Variants in GUCY1A2 observed in about 807,000 individuals in gnomAD.
The protein encoded by GUCY1A2 is guanylate cyclase soluble subunit alpha-2.
In GUCY1A2, 27 loss-of-function variants were observed where a neutral mutation model predicts 63.5. The observed-to-expected ratio is 0.43, with a 90% CI of 0.31 to 0.59. GUCY1A2 has a LOEUF of 0.59. GUCY1A2 is among the 20% of genes least tolerant of loss of function. The pLI is 0.11. For missense variants in GUCY1A2, 768 were observed against 913.3 expected (o/e 0.84, Z 2.05); for synonymous variants, 364 against 343.5 (o/e 1.06, Z -0.66).
chr11:106,774,156 T>C (rs181452354), intron 6 of GUCY1A2, among the ~76,000 whole-genome samples: 168 of 152,084 alleles, frequency 1.1e-3, no homozygotes, highest in African/African-American at 3.8e-3. Flanking sequence ...TTTTTTGAGA[T>C]GGAGTCTCGC....
chr11:106,990,297 C>T (rs1861453977), intron 1 of GUCY1A2, among the ~76,000 whole-genome samples: 1 of 152,214 alleles, frequency 6.6e-6, no homozygotes, highest in South Asian at 2.1e-4. Context: ...ATCTTCATCT[C>T]TAGTCTCACT....
At chr11:106,994,142 G>C (rs773198552) in intron 1 of GUCY1A2, among the ~76,000 whole-genome samples, 73 of 151,914 alleles carry the variant, frequency 4.8e-4, no homozygotes, top group Non-Finnish European at 7.1e-4. Flanking sequence ...ACCCATCTGG[G>C]GATTCAAACT....
At chr11:106,869,595 A>G (rs1859644896) in intron 4 of GUCY1A2, among the ~76,000 whole-genome samples, 1 of 152,216 alleles carries the variant, frequency 6.6e-6, no homozygotes, top group South Asian at 2.1e-4. Flanking sequence ...AATCATTAAA[A>G]AGTCAGGAGC....
In GUCY1A2 at chr11:106,969,801, A is replaced by G. The variant is rs531033732; in HGVS notation, c.487+8818T>C. Among the ~76,000 whole-genome samples, 6 of 152,280 alleles carry G rather than the reference A, an allele frequency of 3.9e-5. No individual in the cohort carries two copies. The East Asian group carries it at 1.2e-3, about 29-fold the overall frequency. On this transcript the variant is annotated intron_variant, in intron 3 of 7. Transcript: ENST00000526355. ...TTGAGGGGTCAATAAGTAATGTAGC[A>G]GGCTCTACCATCACAGCCTCATAGT...
At chr11:106,831,291 C>T (rs957775873) in intron 4 of GUCY1A2, among the ~76,000 whole-genome samples, 1 of 152,094 alleles carries the variant, frequency 6.6e-6, no homozygotes, top group Admixed American at 6.6e-5. Flanking sequence ...TAGACATTCC[C>T]GTGAACATGA....
At chr11:106,777,274 C>T (rs746032264) in intron 5 of GUCY1A2, among the ~76,000 whole-genome samples, 1 of 151,886 alleles carries the variant, frequency 6.6e-6, no homozygotes, top group Non-Finnish European at 1.5e-5. Context: ...TGGTAAAACC[C>T]CATCTCTACT....
At position 106,675,058 on chromosome 11, in the gene GUCY1A2, T is replaced by TA. The variant is rs1862322579; in HGVS notation, c.*12490_*12491insT. The TA allele has an allele frequency of 9.4e-6, 2 of 212,836 alleles. No individual in the cohort carries two copies. The highest frequency in any genetic ancestry group is 1.4e-4 in the East Asian group (2 of 14,276). The allele number at this position is 212,836 out of a possible 1,614,324, so 13.2% of individuals were successfully genotyped here. On this transcript the variant is annotated 3_prime_UTR_variant, in exon 8 of 8. Transcript: ENST00000526355. The stretch of plus-strand genomic sequence containing the variant: ...AGTACTGTTTGGGAAATGAGACCCT[T>TA]TGGTTTTGTAAAATGGCTACTCATG...
intron 4 of GUCY1A2, among the ~76,000 whole-genome samples, chr11:106,892,630 C>T (rs1024642096): frequency 6.6e-6 from 1 of 150,540 alleles, no homozygotes; most frequent in Non-Finnish European, 1.5e-5. Context: ...CCTCCTTCAA[C>T]AAAGAATGTT....
At chr11:106,850,474 T>C (rs1859337500) in intron 4 of GUCY1A2, among the ~76,000 whole-genome samples, 1 of 151,730 alleles carries the variant, frequency 6.6e-6, no homozygotes, top group Admixed American at 6.6e-5. Flanking sequence ...AATTTTTGTA[T>C]CTGTTAACTA....
intron 1 of GUCY1A2, among the ~76,000 whole-genome samples, chr11:107,011,643 A>C (rs1040439240): frequency 6.8e-6 from 1 of 147,538 alleles, no homozygotes; most frequent in African/African-American, 2.5e-5. Context: ...TAATACTATA[A>C]TATATAGTCA....
At chr11:106,949,960 T>C (rs1488178338) in intron 3 of GUCY1A2, among the ~76,000 whole-genome samples, 1 of 152,228 alleles carries the variant, frequency 6.6e-6, no homozygotes, top group African/African-American at 2.4e-5. Flanking sequence ...CCAGGCATAA[T>C]ATATGTAGTG....
At chr11:106,691,757 C>T (rs1415380087) in intron 7 of GUCY1A2, among the ~76,000 whole-genome samples, 4 of 152,132 alleles carry the variant, frequency 2.6e-5, no homozygotes, top group African/African-American at 9.7e-5. Flanking sequence ...TTGCTTTTCC[C>T]AGTAAACATT....
intron 4 of GUCY1A2, among the ~76,000 whole-genome samples, chr11:106,822,280 G>C (rs936423744): frequency 3.3e-5 from 5 of 152,038 alleles, no homozygotes; most frequent in Admixed American, 2.6e-4. Context: ...TCTTTGCTTT[G>C]CTAAATATTA....
intron 3 of GUCY1A2, among the ~76,000 whole-genome samples, chr11:106,974,993 T>C (rs987894242): frequency 2.0e-5 from 3 of 152,140 alleles, no homozygotes; most frequent in African/African-American, 7.2e-5. Flanking sequence ...TAAACTACTG[T>C]GGGAAGTCTT....
In GUCY1A2 at chr11:106,892,579, C is replaced by T. The variant is rs549481992; in HGVS notation, c.1206+46881G>A. On this transcript the variant is annotated intron_variant, in intron 4 of 7. Transcript: ENST00000526355. ...CTTATATCAAGTTAGCTAGCCCTAG[C>T]GTCGCACCCACAGGAGTTTCCAAGT... 3.5e-4 allele frequency among the ~76,000 whole-genome samples: 53 copies of T among 152,240 alleles called. 1 individual carries two copies. The highest frequency in any genetic ancestry group is 6.6e-4 in the Non-Finnish European group (45 of 67,982).
intron 4 of GUCY1A2, among the ~76,000 whole-genome samples, chr11:106,841,573 C>G (rs1196543874): frequency 6.6e-6 from 1 of 151,876 alleles, no homozygotes; most frequent in African/African-American, 2.4e-5. Flanking sequence ...TGCCCTTCAA[C>G]CAAGATCATA....
At chr11:107,005,703 A>G (rs1861662332) in intron 1 of GUCY1A2, among the ~76,000 whole-genome samples, 1 of 152,210 alleles carries the variant, frequency 6.6e-6, no homozygotes, top group Non-Finnish European at 1.5e-5. Flanking sequence ...GAATTAATGA[A>G]TGAATGTGAG....
intron 4 of GUCY1A2, among the ~76,000 whole-genome samples, chr11:106,921,024 T>A (rs1268150832): frequency 6.6e-6 from 1 of 152,042 alleles, no homozygotes; most frequent in South Asian, 2.1e-4. Flanking sequence ...AACTCAATAT[T>A]TGCAACATGA....
At chr11:106,855,981 AG>A (rs1300185782) in intron 4 of GUCY1A2, among the ~76,000 whole-genome samples, 1 of 151,330 alleles carries the variant, frequency 6.6e-6, no homozygotes, top group Non-Finnish European at 1.5e-5. Context: ...GCTGGAGAGC[AG>A]TGGTGTGACC....
Sources: gnomAD v4.1 joint callset for allele counts (sites outside exome capture counted in the v4.1 genomes callset) on GRCh38, gnomAD v4.1.1 for gene constraint, MANE v1.5 for transcripts, NCBI Gene and HGNC (gene_info 2026-07-23, HGNC 2026-07-21) for gene names.